The following PBX3 variants were observed in gnomAD, a reference collection of about 807,000 sequenced individuals.
PBX3 encodes the protein pre-B-cell leukemia transcription factor 3.
In PBX3, 14 loss-of-function variants were observed where a neutral mutation model predicts 48.5. That is an observed-to-expected ratio of 0.29 (90% CI 0.19 to 0.45). The LOEUF (loss-of-function observed/expected upper bound fraction) is 0.45. Among genes scored for constraint, PBX3 ranks in the 20% least tolerant of loss-of-function variants. The probability of loss-of-function intolerance (pLI) is 1.00; values close to 1 mark genes in which losing one functional copy is unlikely to be tolerated. For synonymous variants in PBX3, 210 were observed against 200.3 expected, an observed-to-expected ratio of 1.05 and a Z score of -0.41; for missense variants, 386 against 546.7, an observed-to-expected ratio of 0.71 and a Z score of 2.93.
intron 2 of PBX3, among the ~76,000 whole-genome samples, chr9:125,749,771 T>C (rs553572378): frequency 3.1e-4 from 47 of 152,302 alleles, no homozygotes; most frequent in African/African-American, 1.1e-3. Flanking sequence ...CAGCCTTCTT[T>C]GAAACAGGTT....
At chr9:125,849,470 A>G (rs1839518561) in intron 2 of PBX3, among the ~76,000 whole-genome samples, 1 of 151,974 alleles carries the variant, frequency 6.6e-6, no homozygotes, top group South Asian at 2.1e-4. Flanking sequence ...AGTATTTAAC[A>G]TGCACATTTT....
chr9:125,963,969 T>TA (rs1588348434), intron 8 of PBX3, among the ~76,000 whole-genome samples: 1 of 152,218 alleles, frequency 6.6e-6, no homozygotes, highest in East Asian at 1.9e-4. Context: ...GGCTTATAAA[T>TA]AACTCATAAT....
intron 2 of PBX3, among the ~76,000 whole-genome samples, chr9:125,820,064 GT>G (rs1301076764): frequency 6.6e-6 from 1 of 152,100 alleles, no homozygotes; most frequent in African/African-American, 2.4e-5. Flanking sequence ...CTATAAATGG[GT>G]GCATGAAAAC....
At chr9:125,908,553 A>G (rs1167655086) in intron 2 of PBX3, among the ~76,000 whole-genome samples, 1 of 100,640 alleles carries the variant, frequency 9.9e-6, no homozygotes, top group Non-Finnish European at 2.0e-5. Context: ...GTCCAGATGT[A>G]GACTTCTAGC....
At chr9:125,896,055 C>A (rs1840761118) in intron 2 of PBX3, among the ~76,000 whole-genome samples, 2 of 152,018 alleles carry the variant, frequency 1.3e-5, no homozygotes, top group South Asian at 4.1e-4. Flanking sequence ...TTTCTTAGTG[C>A]TTTTATTAAG....
intron 2 of PBX3, among the ~76,000 whole-genome samples, chr9:125,879,883 G>A (rs1005898697): frequency 6.6e-6 from 1 of 152,130 alleles, no homozygotes; most frequent in African/African-American, 2.4e-5. Context: ...TCTGAAAATG[G>A]TTTGAATACT....
chr9:125,951,064 T>C (rs1842184848), intron 5 of PBX3, among the ~76,000 whole-genome samples: 1 of 152,210 alleles, frequency 6.6e-6, no homozygotes, highest in Non-Finnish European at 1.5e-5. Context: ...GACCTCAGTT[T>C]TTGCTTCAGT....
intron 2 of PBX3, among the ~76,000 whole-genome samples, chr9:125,785,788 T>C (rs1837441778): frequency 6.6e-6 from 1 of 152,164 alleles, no homozygotes; most frequent in South Asian, 2.1e-4. Context: ...GAGAATAAGA[T>C]CTCTTCTGCT....
At chr9:125,835,876 A>G (rs1839118992) in intron 2 of PBX3, among the ~76,000 whole-genome samples, 1 of 152,212 alleles carries the variant, frequency 6.6e-6, no homozygotes, top group Non-Finnish European at 1.5e-5. Context: ...GGAAATCAGT[A>G]TATCAAGACA....
At chr9:125,930,169 A>G (rs1340019141) in intron 4 of PBX3, among the ~76,000 whole-genome samples, 1 of 152,252 alleles carries the variant, frequency 6.6e-6, no homozygotes, top group Non-Finnish European at 1.5e-5. Context: ...CTGTTTTAAC[A>G]AGGGGTATTT....
intron 2 of PBX3, among the ~76,000 whole-genome samples, chr9:125,807,928 TTTAA>T (rs559194521): frequency 4.6e-5 from 7 of 152,224 alleles, no homozygotes; most frequent in Non-Finnish European, 1.0e-4. Context: ...TACATCAGTT[TTTAA>T]TTAATTGAGT....
At chr9:125,847,732 T>A (rs980893039) in intron 2 of PBX3, among the ~76,000 whole-genome samples, 1 of 151,810 alleles carries the variant, frequency 6.6e-6, no homozygotes, top group African/African-American at 2.4e-5. Context: ...TTTTTTTTTT[T>A]TAACTGTGTT....
At chr9:125,863,716 T>G (rs567723482) in intron 2 of PBX3, among the ~76,000 whole-genome samples, 41 of 152,328 alleles carry the variant, frequency 2.7e-4, no homozygotes, top group African/African-American at 9.1e-4. Context: ...CCAGCATTTC[T>G]TATCACTGGT....
intron 2 of PBX3, among the ~76,000 whole-genome samples, chr9:125,898,467 A>T (rs928165744): frequency 1.3e-5 from 2 of 151,644 alleles, no homozygotes; most frequent in Non-Finnish European, 3.0e-5. Context: ...AAAATAAAAA[A>T]AAGGGCCTTT....
At chr9:125,950,930 G>T (rs946184588) in intron 5 of PBX3, among the ~76,000 whole-genome samples, 16 of 152,278 alleles carry the variant, frequency 1.1e-4, no homozygotes, top group Admixed American at 3.9e-4. Flanking sequence ...CAATGAAAAA[G>T]AAATGAAATT....
chr9:125,926,381 G>A (rs745514749), intron 3 of PBX3, among the ~76,000 whole-genome samples: 4 of 151,876 alleles, frequency 2.6e-5, no homozygotes, highest in East Asian at 1.9e-4. Flanking sequence ...TTAGCTGGGC[G>A]CAGTGGCATA....
chr9:125,882,214 C>A (rs1314507754), intron 2 of PBX3, among the ~76,000 whole-genome samples: 2 of 151,288 alleles, frequency 1.3e-5, no homozygotes, highest in East Asian at 3.9e-4. Flanking sequence ...GACAGGGAGA[C>A]CCTGTCTCAC....
intron 3 of PBX3, among the ~76,000 whole-genome samples, chr9:125,919,359 A>ATTTTTTTTTTTTTTTTTTT (rs34891465): frequency 6.8e-5 from 7 of 102,752 alleles, no homozygotes; most frequent in African/African-American, 1.1e-4. Context: ...TGCCCGTCTA[A>ATTTTTTTTTTTTTTTTTTT]TTTTTTTTTT....
intron 4 of PBX3, among the ~76,000 whole-genome samples, chr9:125,932,728 G>C (rs908874998): frequency 1.3e-5 from 2 of 151,948 alleles, no homozygotes; most frequent in African/African-American, 2.4e-5. Flanking sequence ...TATTTCTGCT[G>C]ATACTTTCCC....
Sources: allele counts gnomAD v4.1 joint callset (sites outside exome capture counted in the v4.1 genomes callset), GRCh38; gene constraint gnomAD v4.1.1; transcripts MANE v1.5; gene names NCBI Gene and HGNC (gene_info 2026-07-23, HGNC 2026-07-21).